The following NFIB variants were observed in gnomAD, a reference collection of about 807,000 sequenced individuals.
NFIB encodes nuclear factor 1 B-type.
Under a neutral mutation model 61.5 loss-of-function variants are expected in NFIB, and 11 were observed. The observed-to-expected ratio is 0.18, with a 90% CI of 0.11 to 0.30. The LOEUF is 0.30. Among genes scored for constraint, NFIB ranks in the 10% least tolerant of loss-of-function variants. NFIB has a pLI of 1.00. For missense variants in NFIB, 471 were observed against 608.9 expected (o/e 0.77, Z 2.38); for synonymous variants, 260 against 216.5 (o/e 1.20, Z -1.76).
At chr9:14,175,093 G>T (rs1416456139) in intron 3 of NFIB, among the ~76,000 whole-genome samples, 3 of 149,744 alleles carry the variant, frequency 2.0e-5, no homozygotes, top group Non-Finnish European at 4.4e-5. Context: ...ACCTTCTGTT[G>T]GCTTTGATTT....
intron 2 of NFIB, among the ~76,000 whole-genome samples, chr9:14,245,124 T>C (rs141906943): frequency 6.6e-6 from 1 of 152,230 alleles, no homozygotes; most frequent in African/African-American, 2.4e-5. Flanking sequence ...CTGTCAGACA[T>C]CAACACTTGG....
intron 2 of NFIB, among the ~76,000 whole-genome samples, chr9:14,257,983 T>C (rs1238412549): frequency 6.6e-6 from 1 of 152,242 alleles, no homozygotes; most frequent in Non-Finnish European, 1.5e-5. Flanking sequence ...TAATACAATT[T>C]ACTAAACTGT....
At chr9:14,371,688 A>G (rs1305103077) in intron 1 of NFIB, among the ~76,000 whole-genome samples, 1 of 152,230 alleles carries the variant, frequency 6.6e-6, no homozygotes, top group Non-Finnish European at 1.5e-5. Context: ...AGAAATCAGA[A>G]GATCTGGCCA....
At chr9:14,130,261 CT>C (rs1035510509) in intron 6 of NFIB, among the ~76,000 whole-genome samples, 7 of 152,046 alleles carry the variant, frequency 4.6e-5, no homozygotes, top group Non-Finnish European at 8.8e-5. Context: ...AGCTCTTTTT[CT>C]TTGTTATTCC....
chr9:14,481,493 C>T, the NFIB span, among the ~76,000 whole-genome samples: 2 of 151,616 alleles, frequency 1.3e-5, no homozygotes, highest in Non-Finnish European at 2.9e-5. Flanking sequence ...AAGGGTGACT[C>T]ACACTCTCTC....
intron 2 of NFIB, among the ~76,000 whole-genome samples, chr9:14,252,842 A>T (rs967863637): frequency 6.6e-6 from 1 of 152,142 alleles, no homozygotes; most frequent in African/African-American, 2.4e-5. Flanking sequence ...TATTGCACCC[A>T]TGACGGTCAC....
the NFIB span, among the ~76,000 whole-genome samples, chr9:14,459,347 A>G: frequency 1.3e-5 from 2 of 152,196 alleles, no homozygotes; most frequent in African/African-American, 2.4e-5. Flanking sequence ...CCTTCCTTAC[A>G]CCTTACACAA....
the NFIB span, among the ~76,000 whole-genome samples, chr9:14,462,577 C>T: frequency 3.9e-5 from 6 of 152,126 alleles, no homozygotes; most frequent in Admixed American, 6.5e-5. Context: ...CCACCGTGCC[C>T]GGCCACCGTA....
the NFIB span, among the ~76,000 whole-genome samples, chr9:14,455,237 A>T: frequency 1.3e-5 from 2 of 152,264 alleles, no homozygotes; most frequent in African/African-American, 4.8e-5. Context: ...GTGTATCATT[A>T]TTTCAACCAC....
chr9:14,242,579 G>A (rs940851630), intron 2 of NFIB, among the ~76,000 whole-genome samples: 1 of 152,170 alleles, frequency 6.6e-6, no homozygotes, highest in African/African-American at 2.4e-5. Flanking sequence ...AATCTTTCAG[G>A]CCTTTTTGTG....
chr9:14,235,974 C>A (rs1228226073), intron 2 of NFIB, among the ~76,000 whole-genome samples: 1 of 152,136 alleles, frequency 6.6e-6, no homozygotes, highest in Admixed American at 6.5e-5. Context: ...TGCATTATTT[C>A]CTAAAAGCAG....
chr9:14,349,641 A>G (rs1029191430), intron 1 of NFIB, among the ~76,000 whole-genome samples: 1 of 152,178 alleles, frequency 6.6e-6, no homozygotes, highest in Admixed American at 6.5e-5. Flanking sequence ...CTACGGCCAC[A>G]AAGCACCCAG....
chr9:14,343,833 C>A (rs1311351225), intron 1 of NFIB, among the ~76,000 whole-genome samples: 1 of 87,182 alleles, frequency 1.1e-5, no homozygotes. Flanking sequence ...AAGGGGGGGT[C>A]GGGGGGGGAA....
the NFIB span, among the ~76,000 whole-genome samples, chr9:14,486,935 A>C: frequency 6.6e-6 from 1 of 152,348 alleles, no homozygotes; most frequent in African/African-American, 2.4e-5. Context: ...TAGGGGATGA[A>C]GGCAGATATC....
the NFIB span, among the ~76,000 whole-genome samples, chr9:14,462,444 G>C: frequency 1.3e-5 from 2 of 151,808 alleles, no homozygotes; most frequent in Non-Finnish European, 2.9e-5. Flanking sequence ...CACCACGCCC[G>C]GCTAATTTTT....
intron 2 of NFIB, among the ~76,000 whole-genome samples, chr9:14,219,611 G>A (rs1266300238): frequency 3.3e-5 from 5 of 152,206 alleles, no homozygotes; most frequent in Middle Eastern, 3.4e-3. Flanking sequence ...GTATTTTATG[G>A]AGGAGTTACT....
chr9:14,216,079 T>G (rs112933287), intron 2 of NFIB, among the ~76,000 whole-genome samples: 234 of 152,308 alleles, frequency 1.5e-3, no homozygotes, highest in African/African-American at 5.2e-3. Context: ...TTAAATTTAG[T>G]CAAAAATAAT....
chr9:14,369,497 A>C (rs1390628221), intron 1 of NFIB, among the ~76,000 whole-genome samples: 1 of 151,682 alleles, frequency 6.6e-6, no homozygotes, highest in Admixed American at 6.6e-5. Context: ...GGGTAGATCT[A>C]CCTACCAGAG....
intron 1 of NFIB, among the ~76,000 whole-genome samples, chr9:14,378,561 C>T (rs1389858309): frequency 2.6e-5 from 4 of 152,114 alleles, no homozygotes; most frequent in African/African-American, 4.8e-5. Context: ...TTCACCATAT[C>T]GGCCAGGATG....
Sources: allele counts gnomAD v4.1 joint callset (sites outside exome capture counted in the v4.1 genomes callset), GRCh38; gene constraint gnomAD v4.1.1; transcripts MANE v1.5; gene names NCBI Gene and HGNC (gene_info 2026-07-23, HGNC 2026-07-21).